Variants in TANC2 observed in about 807,000 individuals in gnomAD.
The protein encoded by TANC2 is protein TANC2.
A neutral mutation model predicts 210.5 loss-of-function variants in TANC2; 26 were observed. The ratio of observed to expected loss-of-function variants is 0.12; its 90% CI spans 0.09 to 0.17. The LOEUF (loss-of-function observed/expected upper bound fraction) is 0.17. Among genes scored for constraint, TANC2 ranks in the 10% least tolerant of loss-of-function variants. The probability of loss-of-function intolerance (pLI) is 1.00; values close to 1 mark genes in which losing one functional copy is unlikely to be tolerated. For synonymous variants in TANC2, 931 were observed against 967.1 expected (o/e 0.96, Z 0.69); for missense variants, 2,129 against 2,608.9 (o/e 0.82, Z 4.01).
intron 7 of TANC2, among the ~76,000 whole-genome samples, chr17:63,221,334 T>C (rs1171166702): frequency 1.3e-5 from 2 of 151,044 alleles, no homozygotes; most frequent in African/African-American, 4.9e-5. Context: ...TCCCAGCTAC[T>C]TGGGAGGCTG....
intron 7 of TANC2, among the ~76,000 whole-genome samples, chr17:63,212,669 C>T (rs905027633): frequency 6.6e-6 from 1 of 152,180 alleles, no homozygotes; most frequent in Non-Finnish European, 1.5e-5. Flanking sequence ...TGGCCTCAAA[C>T]GATACTCCCA....
At chr17:62,983,564 T>C (rs541656194) in intron 1 of TANC2, among the ~76,000 whole-genome samples, 3 of 152,234 alleles carry the variant, frequency 2.0e-5, no homozygotes, top group African/African-American at 7.2e-5. Context: ...GGAAAAACTT[T>C]GAGCTTTTAC....
intron 3 of TANC2, among the ~76,000 whole-genome samples, chr17:63,094,714 G>T (rs1172665950): frequency 6.6e-6 from 1 of 152,058 alleles, no homozygotes; most frequent in Non-Finnish European, 1.5e-5. Context: ...ATTTCAGTTG[G>T]ATCATAGTCA....
intron 1 of TANC2, among the ~76,000 whole-genome samples, chr17:62,974,198 A>G (rs1018276236): frequency 7.2e-5 from 11 of 152,178 alleles, no homozygotes; most frequent in Non-Finnish European, 1.3e-4. Flanking sequence ...TTTTGTAATG[A>G]TTTATCTCAC....
intron 5 of TANC2, among the ~76,000 whole-genome samples, chr17:63,174,564 C>G (rs2145596755): frequency 6.6e-6 from 1 of 152,306 alleles, no homozygotes; most frequent in Non-Finnish European, 1.5e-5. Context: ...ATCATTATTT[C>G]TACCAAATTT....
chr17:62,999,738 G>A (rs563318627), intron 1 of TANC2, among the ~76,000 whole-genome samples: 23 of 152,088 alleles, frequency 1.5e-4, no homozygotes, highest in Admixed American at 1.3e-4. Context: ...GACATCCCTG[G>A]TATATGCCCA....
chr17:63,012,765 C>T (rs1198974502), intron 2 of TANC2, among the ~76,000 whole-genome samples: 3 of 152,202 alleles, frequency 2.0e-5, no homozygotes, highest in Non-Finnish European at 4.4e-5. Flanking sequence ...TTCCCTTCCA[C>T]CTCAGATTCT....
chr17:63,065,629 G>T (rs1380241860), intron 2 of TANC2, among the ~76,000 whole-genome samples: 1 of 152,156 alleles, frequency 6.6e-6, no homozygotes, highest in African/African-American at 2.4e-5. Context: ...GTTTTAATCT[G>T]CATTTCTCTG....
chr17:63,055,761 A>G (rs1010013882), intron 2 of TANC2, among the ~76,000 whole-genome samples: 1 of 150,866 alleles, frequency 6.6e-6, no homozygotes, highest in Non-Finnish European at 1.5e-5. Flanking sequence ...TTAAACAAGC[A>G]AAAACTTTAA....
intron 4 of TANC2, among the ~76,000 whole-genome samples, chr17:63,103,780 T>C (rs149964059): frequency 1.4e-4 from 22 of 152,342 alleles, no homozygotes; most frequent in African/African-American, 5.1e-4. Flanking sequence ...TCGCACTTTT[T>C]AATGAGTAAT....
At chr17:63,207,500 C>A (rs1165217719) in intron 7 of TANC2, among the ~76,000 whole-genome samples, 5 of 152,140 alleles carry the variant, frequency 3.3e-5, no homozygotes, top group Admixed American at 3.3e-4. Flanking sequence ...CAGGCATGAG[C>A]CACCACGCTC....
chr17:63,194,085 C>T lies in TANC2; in HGVS notation c.528C>T (p.Val176=), dbSNP rs1379643613. 6.2e-7 allele frequency: 1 copy of T among 1,613,158 alleles called. No homozygotes were observed. The highest frequency in any genetic ancestry group is 2.2e-5 in the East Asian group (1 of 44,870). ...TGGGTTTCCTCCTTGGAGAGAAAGT[C>T]ACAGAAGTTCAGCCAGGTGACCAAT... Residue 176 remains valine (V), a synonymous_variant, in exon 6 of 28, where the codon GTC becomes GTT. Transcript: ENST00000689528.
At chr17:63,368,901 A>G (rs1006317028) in intron 14 of TANC2, among the ~76,000 whole-genome samples, 11 of 152,254 alleles carry the variant, frequency 7.2e-5, no homozygotes, top group African/African-American at 2.7e-4. Flanking sequence ...GCAAAGGATG[A>G]TGAGTTCTAG....
At chr17:63,065,844 T>A (rs1428465037) in intron 2 of TANC2, among the ~76,000 whole-genome samples, 1 of 152,360 alleles carries the variant, frequency 6.6e-6, no homozygotes, top group East Asian at 1.9e-4. Context: ...TTTTGTAGGT[T>A]ATCTCTTCAC....
chr17:63,383,876 G>A (rs370485311), intron 15 of TANC2, among the ~76,000 whole-genome samples: 8 of 152,020 alleles, frequency 5.3e-5, no homozygotes, highest in African/African-American at 1.9e-4. Context: ...TAATTCTAAT[G>A]TGCACCCCAG....
At chr17:62,997,849 A>G (rs2033190547) in intron 1 of TANC2, among the ~76,000 whole-genome samples, 1 of 152,214 alleles carries the variant, frequency 6.6e-6, no homozygotes, top group South Asian at 2.1e-4. Flanking sequence ...CACAAAACCA[A>G]AAATGAGAAT....
chr17:63,270,093 G>C (rs2043652589), intron 9 of TANC2, among the ~76,000 whole-genome samples: 1 of 152,014 alleles, frequency 6.6e-6, no homozygotes, highest in Admixed American at 6.6e-5. Context: ...ATCCAGCTGG[G>C]TACATTGATC....
intron 3 of TANC2, among the ~76,000 whole-genome samples, chr17:63,094,278 T>C (rs1002305152): frequency 3.9e-5 from 6 of 152,278 alleles, no homozygotes; most frequent in Admixed American, 1.3e-4. Flanking sequence ...CTTGTAAGGA[T>C]GTTACAGAGT....
At chr17:63,035,848 C>G (rs2034950960) in intron 2 of TANC2, among the ~76,000 whole-genome samples, 2 of 152,132 alleles carry the variant, frequency 1.3e-5, no homozygotes, top group Admixed American at 6.6e-5. Flanking sequence ...TCCAAATGCT[C>G]CACCCACTTG....
Sources: allele counts gnomAD v4.1 joint callset (sites outside exome capture counted in the v4.1 genomes callset), GRCh38; gene constraint gnomAD v4.1.1; transcripts MANE v1.5; gene names NCBI Gene and HGNC (gene_info 2026-07-23, HGNC 2026-07-21).